The following PTPRN2 variants were observed in gnomAD, a reference collection of about 807,000 sequenced individuals.
PTPRN2 encodes the protein receptor-type tyrosine-protein phosphatase N2.
A neutral mutation model predicts 118.8 loss-of-function variants in PTPRN2; 74 were observed. The ratio of observed to expected loss-of-function variants is 0.62; its 90% CI spans 0.52 to 0.76. PTPRN2 has a LOEUF of 0.76. PTPRN2 is among the 30% of genes least tolerant of loss of function. PTPRN2 has a pLI of 0.00. For synonymous variants in PTPRN2, 641 were observed against 608.0 expected (o/e 1.05, Z -0.80); for missense variants, 1,481 against 1,394.4 (o/e 1.06, Z -0.99).
intron 1 of PTPRN2, among the ~76,000 whole-genome samples, chr7:158,513,837 A>G (rs1039046168): frequency 1.3e-5 from 2 of 152,236 alleles, no homozygotes; most frequent in Non-Finnish European, 2.9e-5. Context: ...TTTTCTGCTT[A>G]TCTGTGTTTC....
At chr7:158,363,081 G>A (rs1348267796) in intron 2 of PTPRN2, among the ~76,000 whole-genome samples, 1 of 152,216 alleles carries the variant, frequency 6.6e-6, no homozygotes, top group Non-Finnish European at 1.5e-5. Flanking sequence ...GAGGGGGACA[G>A]GACCCGTGGA....
At chr7:157,665,499 C>T (rs1170019152) in intron 13 of PTPRN2, among the ~76,000 whole-genome samples, 2 of 152,256 alleles carry the variant, frequency 1.3e-5, no homozygotes. Flanking sequence ...CTCCATCCCA[C>T]TGAGGGCTGG....
At chr7:157,624,039 T>C (rs1008353229) in intron 14 of PTPRN2, among the ~76,000 whole-genome samples, 12 of 152,144 alleles carry the variant, frequency 7.9e-5, no homozygotes, top group African/African-American at 2.9e-4. Context: ...TTTTAAACAA[T>C]GAAAGCAAAA....
intron 11 of PTPRN2, among the ~76,000 whole-genome samples, chr7:157,945,654 ATGCCGCCTCCAGCTTGGAC>A (rs1800435025): frequency 6.6e-6 from 1 of 151,090 alleles, no homozygotes; most frequent in Non-Finnish European, 1.5e-5. Flanking sequence ...AAGTCAGACG[ATGCCGCCTCCAGCTTGGAC>A]GATGCCGCCT....
intron 12 of PTPRN2, among the ~76,000 whole-genome samples, chr7:157,799,162 G>A (rs562234492): frequency 7.1e-4 from 108 of 152,304 alleles, no homozygotes; most frequent in African/African-American, 2.5e-3. Flanking sequence ...GCAGGAGCAG[G>A]AGCACGCTGT....
intron 21 of PTPRN2, among the ~76,000 whole-genome samples, chr7:157,558,170 G>A (rs1166951789): frequency 2.0e-5 from 3 of 151,910 alleles, no homozygotes; most frequent in Non-Finnish European, 4.4e-5. Flanking sequence ...GTGCACATTG[G>A]TGCGACGCGG....
chr7:158,243,893 T>G (rs1796036631), intron 3 of PTPRN2, among the ~76,000 whole-genome samples: 1 of 152,138 alleles, frequency 6.6e-6, no homozygotes, highest in East Asian at 1.9e-4. Flanking sequence ...CTATTAATGA[T>G]AATTACAAAC....
chr7:158,135,607 A>T, intron 8 of PTPRN2, among the ~76,000 whole-genome samples: 1 of 152,310 alleles, frequency 6.6e-6, no homozygotes, highest in East Asian at 1.9e-4. Context: ...AGGGAGTCTT[A>T]GGCTAACGGC....
In PTPRN2 at chr7:158,556,405, T is replaced by C. The variant is rs189688735; in HGVS notation, c.112+31153A>G. 6.6e-5 allele frequency among the ~76,000 whole-genome samples: 10 copies of C among 152,072 alleles called. No individual in the cohort carries two copies. The East Asian group carries it at 1.9e-3, about 29-fold the overall frequency. The stretch of plus-strand genomic sequence containing the variant: ...TACGTCTCTACTAAAAATACAAAAA[T>C]TAGCCGGGCATGGTGGCGCATGCCT... On this transcript the variant is annotated intron_variant, in intron 1 of 22. Transcript: ENST00000389418.
chr7:158,133,475 C>G (rs1463686253), intron 9 of PTPRN2, among the ~76,000 whole-genome samples: 2 of 152,232 alleles, frequency 1.3e-5, no homozygotes, highest in Non-Finnish European at 2.9e-5. Flanking sequence ...TGGAGCCCAG[C>G]TCAGAAGCAT....
intron 19 of PTPRN2, among the ~76,000 whole-genome samples, chr7:157,573,103 C>A (rs1055573410): frequency 1.3e-5 from 2 of 152,352 alleles, no homozygotes; most frequent in South Asian, 4.1e-4. Flanking sequence ...GGCTGTAAAG[C>A]ATCGAGGGCT....
At chr7:157,916,655 T>C (rs1350968246) in intron 11 of PTPRN2, among the ~76,000 whole-genome samples, 1 of 152,240 alleles carries the variant, frequency 6.6e-6, no homozygotes, top group Non-Finnish European at 1.5e-5. Context: ...CTGCTTCTGA[T>C]GTCATAAGCG....
At chr7:158,515,141 C>T (rs1823442209) in intron 1 of PTPRN2, among the ~76,000 whole-genome samples, 1 of 151,404 alleles carries the variant, frequency 6.6e-6, no homozygotes, top group Admixed American at 6.6e-5. Flanking sequence ...CCCGGGCACA[C>T]AAAGCGGCCG....
chr7:158,121,673 C>G, intron 9 of PTPRN2, among the ~76,000 whole-genome samples: 1 of 152,218 alleles, frequency 6.6e-6, no homozygotes, highest in African/African-American at 2.4e-5. Flanking sequence ...GAAGCATCCA[C>G]AAGACTCCTA....
rs1563389963 is a variant in PTPRN2 at position 158,522,364 on chromosome 7, TGCTGGCTCGGG to T, written c.113-32590_113-32580del. On this transcript the variant is annotated intron_variant, in intron 1 of 22. Coordinates refer to ENST00000389418, the MANE Select transcript of PTPRN2 (RefSeq NM_002847.5). ...ACGTCACAATGGTGGACTGTCCAGG[TGCTGGCTCGGG>T]AGGGAGGTCCACGTCACAATGGTGG... is the stretch of plus-strand genomic sequence containing the variant. Among the ~76,000 whole-genome samples, 113 of 133,234 alleles carry T rather than the reference TGCTGGCTCGGG, an allele frequency of 8.5e-4. 18 individuals carry two copies. The East Asian group carries it at 9.1e-3, about 11-fold the overall frequency. The allele number at this position is 133,234 out of a possible 152,430, so 87.4% of individuals were successfully genotyped here. A position where few individuals can be genotyped will look rare whatever the true frequency, so the allele number is the denominator to read the frequency against.
chr7:158,571,445 T>G (rs1828023304), intron 1 of PTPRN2, among the ~76,000 whole-genome samples: 1 of 143,672 alleles, frequency 7.0e-6, no homozygotes, highest in African/African-American at 2.6e-5. Context: ...ACCACTGCAC[T>G]CCAGCCTGGG....
intron 12 of PTPRN2, among the ~76,000 whole-genome samples, chr7:157,870,760 G>A (rs927559908): frequency 4.6e-5 from 7 of 152,218 alleles, no homozygotes; most frequent in Non-Finnish European, 1.0e-4. Flanking sequence ...GAGCCGCCAG[G>A]AATCCTGCTC....
In PTPRN2 at chr7:158,337,580, C is replaced by A. The variant is rs1236208179; in HGVS notation, c.164-20648G>T. On this transcript the variant is annotated intron_variant, in intron 2 of 22. Transcript: ENST00000389418. ...ACACTCTCACCATAATTGGTGACAC[C>A]TGCAGACGTCACTCACACCCACACT... Among the ~76,000 whole-genome samples the A allele has an allele frequency of 4.3e-5, 6 of 138,998 alleles. 1 individual carries two copies. Among genetic ancestry groups the A allele is most frequent in the Non-Finnish European group, 7.9e-5 (5 of 63,366 alleles). The allele number at this position is 138,998 out of a possible 152,430, so 91.2% of individuals were successfully genotyped here.
intron 2 of PTPRN2, among the ~76,000 whole-genome samples, chr7:158,403,817 T>C (rs1204785031): frequency 6.6e-6 from 1 of 152,200 alleles, no homozygotes; most frequent in Non-Finnish European, 1.5e-5. Context: ...GCTGGGATGA[T>C]GCACTTTGGA....
Sources: gnomAD v4.1 joint callset for allele counts (sites outside exome capture counted in the v4.1 genomes callset) on GRCh38, gnomAD v4.1.1 for gene constraint, MANE v1.5 for transcripts, NCBI Gene and HGNC (gene_info 2026-07-23, HGNC 2026-07-21) for gene names.